Variants in ATRN observed in about 807,000 individuals in gnomAD.
ATRN encodes attractin-2.
In ATRN, 54 loss-of-function variants were observed where a neutral mutation model predicts 178.7. The ratio of observed to expected loss-of-function variants is 0.30; its 90% CI spans 0.24 to 0.38. ATRN has a LOEUF of 0.38. ATRN is among the 10% of genes least tolerant of loss of function. The probability of loss-of-function intolerance (pLI) is 1.00; values close to 1 mark genes in which losing one functional copy is unlikely to be tolerated. For synonymous variants in ATRN, 636 were observed against 663.0 expected (o/e 0.96, Z 0.63); for missense variants, 1,443 against 1,815.1 (o/e 0.79, Z 3.73).
intron 27 of ATRN, among the ~76,000 whole-genome samples, chr20:3,641,740 A>G (rs1244875798): frequency 6.6e-6 from 1 of 152,124 alleles, no homozygotes; most frequent in Non-Finnish European, 1.5e-5. Context: ...GTGCCCAGTA[A>G]GCACCTTCCG....
chr20:3,622,130 C>T (rs1194717655), intron 24 of ATRN, among the ~76,000 whole-genome samples: 1 of 152,190 alleles, frequency 6.6e-6, no homozygotes. Context: ...CAGTTGTGCA[C>T]ATGGTGCCCA....
At chr20:3,563,996 A>C (rs1156892841) in intron 10 of ATRN, among the ~76,000 whole-genome samples, 1 of 152,188 alleles carries the variant, frequency 6.6e-6, no homozygotes, top group Admixed American at 6.5e-5. Flanking sequence ...TCATCTTGTA[A>C]GACTGAAGCT....
At chr20:3,542,264 CTG>C (rs1169435883) in intron 3 of ATRN, among the ~76,000 whole-genome samples, 2 of 152,128 alleles carry the variant, frequency 1.3e-5, no homozygotes, top group African/African-American at 4.8e-5. Context: ...TCACTTGTTA[CTG>C]TGTTTGTTAA....
At chr20:3,616,493 G>A (rs921353352) in intron 24 of ATRN, among the ~76,000 whole-genome samples, 1 of 151,988 alleles carries the variant, frequency 6.6e-6, no homozygotes, top group Non-Finnish European at 1.5e-5. Context: ...GCATGGGGGC[G>A]GGGGAAGGGG....
At chr20:3,516,784 G>C (rs796664092) in intron 1 of ATRN, among the ~76,000 whole-genome samples, 21 of 152,146 alleles carry the variant, frequency 1.4e-4, no homozygotes, top group African/African-American at 4.8e-4. Flanking sequence ...ATGGTTTCCA[G>C]CTTCACCCAT....
In ATRN at chr20:3,547,375, T is replaced by G. The variant is rs1448220991; in HGVS notation, c.829T>G (p.Trp277Gly). The G allele has an allele frequency of 6.2e-7, 1 of 1,613,960 alleles. No individual in the cohort carries two copies. Residue 277 changes from tryptophan to glycine, a missense_variant, in exon 5 of 29, where the codon TGG becomes GGG. Trp to Gly is a radical substitution (Grantham distance 184, BLOSUM62 -2). Transcript: ENST00000262919. ...TGTTGAATGTGAATGTTCTGAAAAC[T>G]GGAAAGGTGAAGCATGTGACATTCC... Reference protein sequence around the residue: ...DTVECECSENWKGEACDIPHC... With the variant: ...DTVECECSENGKGEACDIPHC...
chr20:3,494,793 G>C lies in ATRN; in HGVS notation c.410+23276G>C, dbSNP rs146110115. 5.7e-3 allele frequency among the ~76,000 whole-genome samples: 872 copies of C among 152,304 alleles called. 4 individuals carry two copies. The highest frequency in any genetic ancestry group is 9.5e-3 in the Admixed American group (146 of 15,288). On this transcript the variant is annotated intron_variant, in intron 1 of 28. Coordinates refer to ENST00000262919, the MANE Select transcript of ATRN (RefSeq NM_139321.3). ...CATAGAGATGGTAGATGAAGCCACG[G>C]ATGCAGATGTAATTACCTGTAGGAG...
At position 3,540,378 on chromosome 20, in the gene ATRN, A is replaced by G. The variant is rs575710888; in HGVS notation, c.608+43A>G. ...AGCCTTCTTTCATCGTTTGATTTCT[A>G]AATTTAAACATATCTTCTGGATTGC... On this transcript the variant is annotated intron_variant, in intron 3 of 28. Transcript: ENST00000262919. 7 of 1,225,626 alleles carry G rather than the reference A, an allele frequency of 5.7e-6. No individual in the cohort carries two copies. In the African/African-American group the frequency reaches 1.1e-4, roughly 19 times the overall value. 75.9% of individuals were successfully genotyped at this position (1,225,626 alleles called of 1,614,324 possible). A position where few individuals can be genotyped will look rare whatever the true frequency, so the allele number is the denominator to read the frequency against.
At chr20:3,612,529 G>A (rs1224741512) in intron 24 of ATRN, among the ~76,000 whole-genome samples, 1 of 152,088 alleles carries the variant, frequency 6.6e-6, no homozygotes, top group Non-Finnish European at 1.5e-5. Flanking sequence ...CCTGCTGTAG[G>A]CTGCATTTGG....
In ATRN at chr20:3,493,770, A is replaced by G. The variant is rs575555664; in HGVS notation, c.410+22253A>G. On this transcript the variant is annotated intron_variant, in intron 1 of 28. Coordinates refer to ENST00000262919, the MANE Select transcript of ATRN (RefSeq NM_139321.3). ...TCCACCTGCAGTTCTTTAGCTTCTG[A>G]AATGTTTTTTTCTTTTCCCATACTG... is the stretch of plus-strand genomic sequence containing the variant. 2.0e-5 allele frequency among the ~76,000 whole-genome samples: 3 copies of G among 152,276 alleles called. No homozygotes were observed. The East Asian group carries it at 5.8e-4, about 29-fold the overall frequency.
In ATRN at chr20:3,471,130, C is replaced by A; in HGVS notation, c.23C>A (p.Thr8Asn). The A allele has an allele frequency of 6.6e-7, 1 of 1,511,854 alleles. No individual in the cohort carries two copies. The highest frequency in any genetic ancestry group is 8.8e-7 in the Non-Finnish European group (1 of 1,136,768). 93.7% of individuals were successfully genotyped at this position (1,511,854 alleles called of 1,614,324 possible). Residue 8 changes from threonine to asparagine, a missense_variant, in exon 1 of 29, where the codon ACT (threonine) becomes AAT (asparagine). By Grantham distance (65) the Thr-to-Asn change is moderately conservative. Around this residue, in one of 4 missense-constraint regions of ATRN, gnomAD observed 862 missense variants for 972.1 expected, o/e 0.89. Transcript: ENST00000262919. ...AAGATGGTGGCTGCAGCGGCGGCAA[C>A]TGAGGCAAGGCTGAGGAGGAGGACG... MVAAAAA[T>N]EARLRRRTAA...
chr20:3,606,791 C>A (rs942103928), intron 24 of ATRN, among the ~76,000 whole-genome samples: 3 of 152,196 alleles, frequency 2.0e-5, no homozygotes, highest in Non-Finnish European at 4.4e-5. Context: ...GTAAGAATGT[C>A]TGATAATTTT....
chr20:3,519,716 G>A (rs1035503210), intron 1 of ATRN, among the ~76,000 whole-genome samples: 9 of 152,190 alleles, frequency 5.9e-5, no homozygotes, highest in Admixed American at 3.9e-4. Flanking sequence ...GAAACTATCT[G>A]TATCTCCACA....
At chr20:3,487,758 C>G (rs961198364) in intron 1 of ATRN, among the ~76,000 whole-genome samples, 1 of 152,030 alleles carries the variant, frequency 6.6e-6, no homozygotes, top group Admixed American at 6.6e-5. Context: ...TACCTAGAAC[C>G]CAAGTGAGGG....
chr20:3,626,272 G>A (rs1017886279), intron 25 of ATRN, among the ~76,000 whole-genome samples: 14 of 151,046 alleles, frequency 9.3e-5, no homozygotes, highest in South Asian at 4.2e-4. Flanking sequence ...AGAATTCTAG[G>A]TTCAAAATCA....
At chr20:3,500,909 A>G (rs2084954612) in intron 1 of ATRN, among the ~76,000 whole-genome samples, 1 of 152,160 alleles carries the variant, frequency 6.6e-6, no homozygotes, top group African/African-American at 2.4e-5. Context: ...GTGAATGTAT[A>G]TTAAGTTATA....
intron 27 of ATRN, 131 bp from the exon 28 acceptor site, chr20:3,644,023 C>A: frequency 1.5e-6 from 1 of 662,896 alleles, no homozygotes; most frequent in Non-Finnish European, 2.6e-6. Flanking sequence ...TTTTCATTAT[C>A]TTAAAAACTG....
intron 23 of ATRN, among the ~76,000 whole-genome samples, chr20:3,602,702 G>A (rs1366124491): frequency 1.3e-5 from 2 of 151,970 alleles, no homozygotes; most frequent in Non-Finnish European, 2.9e-5. Context: ...GGTGGCTCAT[G>A]CCTGTAATCC....
rs570617371 is a variant in ATRN, at chr20:3,633,061, G to C, written c.3864-1250G>C. 9.2e-5 allele frequency among the ~76,000 whole-genome samples: 14 copies of C among 152,276 alleles called. No homozygotes were observed. The East Asian group carries it at 2.7e-3, about 30-fold the overall frequency. On this transcript the variant is annotated intron_variant, in intron 25 of 28. Transcript: ENST00000262919. Reference sequence around the variant, plus strand: ...AGGAGAATAGAATCGCTTGAACCTGGGAGGCAGAGGTTGCAGTGAGCTGAG... The same window carrying C: ...AGGAGAATAGAATCGCTTGAACCTGCGAGGCAGAGGTTGCAGTGAGCTGAG...
Sources: allele counts gnomAD v4.1 joint callset (sites outside exome capture counted in the v4.1 genomes callset), GRCh38; gene constraint gnomAD v4.1.1; regional missense constraint gnomAD v4.1.1; transcripts MANE v1.5; gene names NCBI Gene and HGNC (gene_info 2026-07-23, HGNC 2026-07-21).